PAK3: variants seen among roughly 807,000 people sequenced by gnomAD.
The protein encoded by PAK3 is serine/threonine-protein kinase PAK 3.
In PAK3, 4 loss-of-function variants were observed where a neutral mutation model predicts 41.0. The observed-to-expected ratio is 0.10, with a 90% CI of 0.05 to 0.22. The LOEUF (loss-of-function observed/expected upper bound fraction) is 0.22, where lower values mean the gene tolerates loss of function less well. Ranked by LOEUF, PAK3 falls within the 10% of genes least tolerant of loss-of-function variation. The pLI is 1.00. For synonymous variants in PAK3, 146 were observed against 139.6 expected (o/e 1.05, Z -0.32); for missense variants, 205 against 409.9 (o/e 0.50, Z 4.32).
chrX:110,965,149 C>T (rs1019562370), intron 1 of PAK3, among the ~76,000 whole-genome samples: 3 of 112,564 alleles, frequency 2.7e-5, no homozygotes, highest in African/African-American at 9.7e-5. Context: ...AGCCTTGAGA[C>T]AGCTGTCTTT....
chrX:111,163,227 A>G (rs1288823317), intron 9 of PAK3, among the ~76,000 whole-genome samples, 181 bp downstream of exon 9: 2 of 112,000 alleles, frequency 1.8e-5, no homozygotes, highest in Non-Finnish European at 3.8e-5. Context: ...AGCACATTAA[A>G]CAATTAGAGA....
In PAK3 at chrX:111,006,426, G is replaced by A. The variant is rs779267112; in HGVS notation, c.-28+61798G>A. On this transcript the variant is annotated intron_variant, in intron 1 of 14. Transcript: ENST00000425146. Reference sequence around the variant, plus strand: ...ATTAGGGAGAAAAACACCTAGAAATGTAAAGGAGGAATAAAGCAAATATGG... The same window carrying A: ...ATTAGGGAGAAAAACACCTAGAAATATAAAGGAGGAATAAAGCAAATATGG... Among the ~76,000 whole-genome samples the A allele has an allele frequency of 8.8e-4, 98 of 111,939 alleles. 1 individual carries two copies. The highest frequency in any genetic ancestry group is 2.2e-3 in the Admixed American group (23 of 10,582).
intron 17 of PAK3, 64 bp from the exon 18 acceptor site, chrX:111,220,294 G>T: frequency 1.4e-6 from 1 of 693,042 alleles, no homozygotes; most frequent in Non-Finnish European, 2.3e-6. Context: ...GCTTGAAAAT[G>T]TAAAGTAATA....
intron 7 of PAK3, among the ~76,000 whole-genome samples, chrX:111,150,979 G>C (rs1009288221): frequency 9.0e-6 from 1 of 111,700 alleles, no homozygotes; most frequent in Non-Finnish European, 1.9e-5. Context: ...CCCTTGGAAA[G>C]GGAAGAGTGT....
At chrX:110,976,279 C>T (rs1367157093) in intron 1 of PAK3, among the ~76,000 whole-genome samples, 4 of 111,868 alleles carry the variant, frequency 3.6e-5, no homozygotes, top group African/African-American at 1.3e-4. Context: ...AACAAACAAC[C>T]CCATCAAAAA....
intron 3 of PAK3, among the ~76,000 whole-genome samples, chrX:111,100,605 G>A (rs1426617498): frequency 7.2e-5 from 8 of 111,524 alleles, no homozygotes; most frequent in African/African-American, 2.3e-4. Flanking sequence ...CCTCTCCAGC[G>A]TTGTTTCCTT....
At chrX:111,068,950 C>T (rs534825796) in intron 1 of PAK3, among the ~76,000 whole-genome samples, 3 of 111,990 alleles carry the variant, frequency 2.7e-5, no homozygotes, top group African/African-American at 9.7e-5. Flanking sequence ...TTCAGTCCTG[C>T]ATAGCTGATT....
At chrX:111,178,099 C>A (rs1357576627) in intron 11 of PAK3, among the ~76,000 whole-genome samples, 1 of 110,899 alleles carries the variant, frequency 9.0e-6, no homozygotes, top group Non-Finnish European at 1.9e-5. Flanking sequence ...TGTGGTCCCC[C>A]TGAATACTGG....
chrX:111,109,006 G>A lies in PAK3; in HGVS notation c.-28+5700G>A, dbSNP rs775660851. 2.9e-4 allele frequency among the ~76,000 whole-genome samples: 32 copies of A among 112,060 alleles called. No homozygotes were observed. The South Asian group carries it at 0.012, about 42-fold the overall frequency. ...GGAGCACCAACTCTGGTATCAGCCAGACCACCATTTGAATCCCAGTTTGGC... is the reference window on the plus strand; with the variant it reads ...GGAGCACCAACTCTGGTATCAGCCAAACCACCATTTGAATCCCAGTTTGGC... On this transcript the variant is annotated intron_variant, in intron 4 of 17. Coordinates refer to ENST00000372007, the MANE Select transcript of PAK3 (RefSeq NM_002578.5).
Position 111,164,727 on chromosome X carries a change from G to A in PAK3, c.766+1000G>A, listed in dbSNP as rs191482338. ...AAGTAAACAAATACATCTTTACTGAGTTCCTACTTGTCTGTTCTGTGCAAG... is the reference window on the plus strand; with the variant it reads ...AAGTAAACAAATACATCTTTACTGAATTCCTACTTGTCTGTTCTGTGCAAG... On this transcript the variant is annotated intron_variant, in intron 10 of 17. Transcript: ENST00000372007. Among the ~76,000 whole-genome samples the A allele has an allele frequency of 1.9e-3, 210 of 112,006 alleles. 4 individuals are homozygous for A. The highest frequency in any genetic ancestry group is 0.019 in the Admixed American group (196 of 10,543).
At chrX:111,187,241 C>T (rs1236788164) in intron 11 of PAK3, among the ~76,000 whole-genome samples, 1 of 111,534 alleles carries the variant, frequency 9.0e-6, no homozygotes, top group African/African-American at 3.2e-5. Flanking sequence ...AGGTAATTGT[C>T]AATTTTTTTG....
chrX:111,005,308 T>C (rs1253398323), intron 1 of PAK3, among the ~76,000 whole-genome samples: 1 of 111,369 alleles, frequency 9.0e-6, no homozygotes, highest in Non-Finnish European at 1.9e-5. Context: ...ACAGACTGAA[T>C]GTCATGAATT....
chrX:111,107,542 G>A (rs754702239), intron 4 of PAK3, among the ~76,000 whole-genome samples: 11 of 112,084 alleles, frequency 9.8e-5, no homozygotes, highest in Non-Finnish European at 1.5e-4. Flanking sequence ...CAAGAGTCAT[G>A]TGCCAACAGA....
At chrX:111,183,990 A>G (rs1377935212) in intron 11 of PAK3, among the ~76,000 whole-genome samples, 1 of 111,692 alleles carries the variant, frequency 9.0e-6, no homozygotes, top group Non-Finnish European at 1.9e-5. Flanking sequence ...ACTTCAAGTT[A>G]GGAGACCTTT....
At chrX:111,121,469 C>A (rs1053161878) in intron 4 of PAK3, among the ~76,000 whole-genome samples, 1 of 111,537 alleles carries the variant, frequency 9.0e-6, no homozygotes, top group Non-Finnish European at 1.9e-5. Context: ...TTTTAAAATT[C>A]TCTACCTAAC....
chrX:110,986,674 GGTTCA>G (rs2091549885), intron 1 of PAK3, among the ~76,000 whole-genome samples: 1 of 111,084 alleles, frequency 9.0e-6, no homozygotes, highest in African/African-American at 3.3e-5. Context: ...TAGAATATCT[GGTTCA>G]ACTCATTCAC....
rs1028083444 is a variant in PAK3, at chrX:111,195,832, G to A, written c.1111-10G>A. 4 of 1,081,176 alleles carry A rather than the reference G, an allele frequency of 3.7e-6. No individual in the cohort carries two copies. The Admixed American group carries it at 8.8e-5, about 24-fold the overall frequency. The allele number at this position is 1,081,176 out of a possible 1,213,427, so 89.1% of individuals were successfully genotyped here. A position where few individuals can be genotyped will look rare whatever the true frequency, so the allele number is the denominator to read the frequency against. On this transcript the variant is annotated splice_polypyrimidine_tract_variant and intron_variant, in intron 14 of 17. Transcript: ENST00000372007. Reference sequence around the variant, plus strand: ...TGATATAATTAGAACTTTTTTTTCTGATTTAATAGTGCCTGCAAGCTTTGG... The same window carrying A: ...TGATATAATTAGAACTTTTTTTTCTAATTTAATAGTGCCTGCAAGCTTTGG...
chrX:111,075,549 A>C (rs1262303695), intron 1 of PAK3, among the ~76,000 whole-genome samples: 2 of 112,765 alleles, frequency 1.8e-5, no homozygotes, highest in Non-Finnish European at 3.8e-5. Flanking sequence ...TAGATTTCAG[A>C]GGATGTATGG....
At chrX:110,969,100 T>G (rs2091145628) in intron 1 of PAK3, among the ~76,000 whole-genome samples, 1 of 78,230 alleles carries the variant, frequency 1.3e-5, no homozygotes, top group Non-Finnish European at 2.5e-5. Context: ...CCTAATTTTT[T>G]TTTTTTTTTT....
Sources: allele counts gnomAD v4.1 joint callset (sites outside exome capture counted in the v4.1 genomes callset), GRCh38; gene constraint gnomAD v4.1.1; transcripts MANE v1.5; gene names NCBI Gene and HGNC (gene_info 2026-07-23, HGNC 2026-07-21).